Variants in GNAQ observed in about 807,000 individuals in gnomAD.
GNAQ encodes the protein G protein subunit alpha q.
A neutral mutation model predicts 43.9 loss-of-function variants in GNAQ; 8 were observed. That is an observed-to-expected ratio of 0.18 (90% CI 0.11 to 0.33). The LOEUF is 0.33. GNAQ is among the 10% of genes least tolerant of loss of function. GNAQ has a pLI of 1.00. For missense variants in GNAQ, 158 were observed against 450.8 expected (o/e 0.35, Z 5.88); for synonymous variants, 155 against 170.7 (o/e 0.91, Z 0.71).
chr9:77,742,373 G>A (rs545567220), intron 5 of GNAQ, among the ~76,000 whole-genome samples: 5 of 152,244 alleles, frequency 3.3e-5, no homozygotes, highest in East Asian at 1.9e-4. Context: ...TTGACAAAAA[G>A]TATTAATTAC....
chr9:77,973,832 C>A (rs958656953), intron 1 of GNAQ, among the ~76,000 whole-genome samples: 1 of 151,950 alleles, frequency 6.6e-6, no homozygotes, highest in Non-Finnish European at 1.5e-5. Context: ...GCAATGAAGT[C>A]ATTTTCTGGG....
intron 2 of GNAQ, among the ~76,000 whole-genome samples, chr9:77,893,613 T>C (rs1430247084): frequency 6.6e-6 from 1 of 152,206 alleles, no homozygotes; most frequent in Non-Finnish European, 1.5e-5. Context: ...CTTTACTCTA[T>C]GGACTCACTC....
rs1321981938 is a variant in GNAQ at position 77,781,278 on chromosome 9, C to T, written c.735+13185G>A. On this transcript the variant is annotated intron_variant, in intron 5 of 6. Coordinates refer to ENST00000286548, the MANE Select transcript of GNAQ (RefSeq NM_002072.5). ...GCGTTGATTTTCGTAAAGGGTGGGA[C>T]GTGGGGGTCTAGTTTCATTCTTTTG... is the stretch of plus-strand genomic sequence containing the variant. 4.6e-5 allele frequency among the ~76,000 whole-genome samples: 7 copies of T among 151,436 alleles called. 1 individual carries two copies. The highest frequency in any genetic ancestry group is 4.2e-4 in the South Asian group (2 of 4,808).
At chr9:77,831,098 C>A (rs566466957) in intron 2 of GNAQ, among the ~76,000 whole-genome samples, 1 of 152,158 alleles carries the variant, frequency 6.6e-6, no homozygotes, top group Admixed American at 6.5e-5. Flanking sequence ...AGTAACATTC[C>A]TTCCATTTAT....
intron 1 of GNAQ, among the ~76,000 whole-genome samples, chr9:77,946,829 C>G (rs1343571790): frequency 6.6e-6 from 1 of 152,192 alleles, no homozygotes; most frequent in African/African-American, 2.4e-5. Flanking sequence ...AGGGACCTGT[C>G]ACTTTCTTCA....
chr9:78,021,473 G>A (rs1404229022), intron 1 of GNAQ, among the ~76,000 whole-genome samples: 1 of 152,136 alleles, frequency 6.6e-6, no homozygotes, highest in African/African-American at 2.4e-5. Flanking sequence ...ACCATTATCT[G>A]TTTTTCTGCT....
intron 1 of GNAQ, among the ~76,000 whole-genome samples, chr9:77,971,626 A>G (rs1247927146): frequency 6.6e-6 from 1 of 152,266 alleles, no homozygotes; most frequent in African/African-American, 2.4e-5. Flanking sequence ...AATGGAACGT[A>G]TCTCAAAATA....
At chr9:77,735,179 A>G (rs974605181) in intron 5 of GNAQ, among the ~76,000 whole-genome samples, 1 of 152,248 alleles carries the variant, frequency 6.6e-6, no homozygotes, top group Non-Finnish European at 1.5e-5. Context: ...TCTTTTTTAA[A>G]TAAGACATTC....
chr9:77,724,767 T>G (rs1266124865), intron 6 of GNAQ, among the ~76,000 whole-genome samples: 1 of 152,224 alleles, frequency 6.6e-6, no homozygotes, highest in Non-Finnish European at 1.5e-5. Flanking sequence ...TGTTGAATTT[T>G]TGATGTAGGT....
At chr9:77,957,010 C>T (rs909278368) in intron 1 of GNAQ, among the ~76,000 whole-genome samples, 10 of 152,140 alleles carry the variant, frequency 6.6e-5, no homozygotes, top group Non-Finnish European at 1.3e-4. Context: ...AAAGTAGCCT[C>T]GTTTAAGAGT....
rs1384252297 is a variant in GNAQ, at chr9:77,760,538, G to A, written c.736-31871C>T. On this transcript the variant is annotated intron_variant, in intron 5 of 6. Transcript: ENST00000286548. ...ATGGTGCCCAAGATGGAGTGCAGTG[G>A]CGTGATCTCGGCTCGCTACAACTTC... 4.6e-5 allele frequency among the ~76,000 whole-genome samples: 7 copies of A among 152,288 alleles called. No individual in the cohort carries two copies. The East Asian group carries it at 9.7e-4, about 21-fold the overall frequency.
intron 5 of GNAQ, among the ~76,000 whole-genome samples, chr9:77,744,367 G>A (rs192127574): frequency 7.9e-5 from 12 of 152,192 alleles, no homozygotes; most frequent in Admixed American, 3.3e-4. Context: ...AGAGCCTTTT[G>A]GATAATTTAC....
intron 1 of GNAQ, 113 bp downstream of exon 1, chr9:78,030,987 A>C: frequency 3.0e-6 from 2 of 673,814 alleles, no homozygotes; most frequent in Non-Finnish European, 2.1e-6. Context: ...CCGGGAGGGT[A>C]GGGGCGAACC....
intron 2 of GNAQ, among the ~76,000 whole-genome samples, chr9:77,827,292 C>T (rs1251837268): frequency 1.3e-5 from 2 of 148,346 alleles, no homozygotes; most frequent in African/African-American, 2.5e-5. Flanking sequence ...TGCTCTTCTG[C>T]TTGAATTCTG....
At chr9:77,921,505 G>GA (rs1828996601) in intron 2 of GNAQ, among the ~76,000 whole-genome samples, 1 of 152,194 alleles carries the variant, frequency 6.6e-6, no homozygotes, top group South Asian at 2.1e-4. Flanking sequence ...CTTCAACCAA[G>GA]AAATAATGCT....
intron 2 of GNAQ, among the ~76,000 whole-genome samples, chr9:77,882,697 A>G (rs544663995): frequency 2.6e-4 from 39 of 152,360 alleles, no homozygotes; most frequent in African/African-American, 8.7e-4. Context: ...GAAAAAAAGC[A>G]TAGGAAAAAA....
chr9:77,873,782 A>G (rs1341940263), intron 2 of GNAQ, among the ~76,000 whole-genome samples: 2 of 152,264 alleles, frequency 1.3e-5, no homozygotes, highest in Admixed American at 1.3e-4. Context: ...ATTTGCATTC[A>G]GATTTCATGA....
chr9:77,903,544 C>T (rs1177376562), intron 2 of GNAQ, among the ~76,000 whole-genome samples: 1 of 152,122 alleles, frequency 6.6e-6, no homozygotes, highest in Non-Finnish European at 1.5e-5. Flanking sequence ...AATGATAATT[C>T]CCTTCCTTTC....
chr9:77,874,109 A>AAAAAAAACAAC (rs1828089577), intron 2 of GNAQ, among the ~76,000 whole-genome samples: 2 of 148,090 alleles, frequency 1.4e-5, no homozygotes, highest in African/African-American at 5.0e-5. Flanking sequence ...CATCTCAAAA[A>AAAAAAAACAAC]AAAAAAACAA....
Sources: gnomAD v4.1 joint callset for allele counts (sites outside exome capture counted in the v4.1 genomes callset) on GRCh38, gnomAD v4.1.1 for gene constraint, MANE v1.5 for transcripts, NCBI Gene and HGNC (gene_info 2026-07-23, HGNC 2026-07-21) for gene names.